The following KCNIP4 variants were observed in gnomAD, a reference collection of about 807,000 sequenced individuals.
KCNIP4 encodes the protein potassium voltage-gated channel interacting protein 4.
In KCNIP4, 12 loss-of-function variants were observed where a neutral mutation model predicts 34.0. The observed-to-expected ratio is 0.35, with a 90% CI of 0.23 to 0.57. The LOEUF (loss-of-function observed/expected upper bound fraction) is 0.57, where lower values mean the gene tolerates loss of function less well. Among genes scored for constraint, KCNIP4 ranks in the 20% least tolerant of loss-of-function variants. The probability of loss-of-function intolerance (pLI) is 0.83; values close to 1 mark genes in which losing one functional copy is unlikely to be tolerated. For missense variants in KCNIP4, 238 were observed against 311.7 expected (o/e 0.76, Z 1.78); for synonymous variants, 124 against 102.2 (o/e 1.21, Z -1.29).
intron 1 of KCNIP4, among the ~76,000 whole-genome samples, chr4:21,589,863 T>C (rs1482917481): frequency 1.3e-5 from 2 of 151,984 alleles, no homozygotes; most frequent in Non-Finnish European, 2.9e-5. Context: ...AGTTAATATT[T>C]GTTAAATAGT....
At chr4:20,852,922 T>C (rs1236987651) in intron 2 of KCNIP4, among the ~76,000 whole-genome samples, 2 of 151,464 alleles carry the variant, frequency 1.3e-5, no homozygotes, top group Admixed American at 6.6e-5. Flanking sequence ...AACAAAGGAG[T>C]CAAAAGACCT....
chr4:20,859,919 C>T (rs1267125809), intron 2 of KCNIP4, among the ~76,000 whole-genome samples: 2 of 152,228 alleles, frequency 1.3e-5, no homozygotes, highest in Admixed American at 1.3e-4. Flanking sequence ...ATTCAGAACT[C>T]AGGCCATGTG....
chr4:21,483,036 C>G (rs1174699994), intron 1 of KCNIP4, among the ~76,000 whole-genome samples: 1 of 131,226 alleles, frequency 7.6e-6, no homozygotes, highest in African/African-American at 2.9e-5. Context: ...AATGAGAACA[C>G]TTGGACACAG....
At chr4:21,659,247 G>A (rs553991803) in intron 1 of KCNIP4, among the ~76,000 whole-genome samples, 1 of 152,066 alleles carries the variant, frequency 6.6e-6, no homozygotes, top group African/African-American at 2.4e-5. Context: ...ATTAGATCTA[G>A]TGAAGTTAAA....
chr4:21,737,627 G>T (rs11725634), intron 1 of KCNIP4, among the ~76,000 whole-genome samples: 5 of 152,110 alleles, frequency 3.3e-5, no homozygotes, highest in Non-Finnish European at 5.9e-5. Flanking sequence ...GCAGAATGCA[G>T]GATTCTCTTT....
chr4:20,935,325 T>C (rs375275364), intron 1 of KCNIP4, among the ~76,000 whole-genome samples: 2 of 152,266 alleles, frequency 1.3e-5, no homozygotes, highest in African/African-American at 2.4e-5. Flanking sequence ...AAACTCAACA[T>C]GTCCAAAATT....
chr4:21,188,642 A>G (rs1441945996), intron 1 of KCNIP4, among the ~76,000 whole-genome samples: 1 of 152,144 alleles, frequency 6.6e-6, no homozygotes, highest in Non-Finnish European at 1.5e-5. Flanking sequence ...TTTAAAAAGT[A>G]CTCTTTGAGA....
intron 1 of KCNIP4, among the ~76,000 whole-genome samples, chr4:20,907,871 G>C (rs1215520876): frequency 6.6e-6 from 1 of 151,630 alleles, no homozygotes; most frequent in African/African-American, 2.4e-5. Flanking sequence ...GCGCCCGCAT[G>C]ATATCAAATT....
chr4:21,794,858 A>G (rs6448088), intron 1 of KCNIP4, among the ~76,000 whole-genome samples: 151,803 of 152,268 alleles, frequency 1, 75,670 homozygotes, highest in Middle Eastern at 1. Context: ...CAGCAGGGGC[A>G]ACAGAGGGAG....
intron 1 of KCNIP4, among the ~76,000 whole-genome samples, chr4:21,574,144 T>C (rs1490766589): frequency 1.3e-5 from 2 of 152,142 alleles, no homozygotes; most frequent in African/African-American, 4.8e-5. Context: ...AATTTTCTTG[T>C]TAATGAACAC....
chr4:20,761,923 A>G (rs191195356), intron 3 of KCNIP4, among the ~76,000 whole-genome samples: 1 of 152,284 alleles, frequency 6.6e-6, no homozygotes, highest in East Asian at 1.9e-4. Flanking sequence ...CACATACTGT[A>G]TGCCTATTAT....
At chr4:20,871,363 T>C (rs1188157158) in intron 2 of KCNIP4, among the ~76,000 whole-genome samples, 1 of 151,930 alleles carries the variant, frequency 6.6e-6, no homozygotes, top group African/African-American at 2.4e-5. Flanking sequence ...ACTATATAAG[T>C]AATATTAAGA....
chr4:21,174,982 T>G (rs2109306462), intron 1 of KCNIP4, among the ~76,000 whole-genome samples: 1 of 151,846 alleles, frequency 6.6e-6, no homozygotes, highest in African/African-American at 2.4e-5. Flanking sequence ...AATATGATTT[T>G]GTTACTTTTT....
intron 1 of KCNIP4, among the ~76,000 whole-genome samples, chr4:20,920,853 G>A (rs556008636): frequency 2.6e-5 from 4 of 152,248 alleles, no homozygotes; most frequent in African/African-American, 9.6e-5. Context: ...GCCAGGTGTG[G>A]TGGTGCATTC....
At chr4:20,935,115 T>A (rs1030962696) in intron 1 of KCNIP4, among the ~76,000 whole-genome samples, 8 of 152,200 alleles carry the variant, frequency 5.3e-5, no homozygotes, top group African/African-American at 1.9e-4. Flanking sequence ...AAATCCAATA[T>A]GACTTCATCT....
intron 3 of KCNIP4, among the ~76,000 whole-genome samples, chr4:20,822,472 G>T (rs1356256927): frequency 1.3e-5 from 2 of 152,206 alleles, no homozygotes; most frequent in African/African-American, 4.8e-5. Flanking sequence ...TACACAGCTG[G>T]TGGGAATGTA....
intron 1 of KCNIP4, among the ~76,000 whole-genome samples, chr4:20,974,012 T>G (rs1467969597): frequency 6.6e-6 from 1 of 152,146 alleles, no homozygotes; most frequent in Non-Finnish European, 1.5e-5. Flanking sequence ...AATTCCAAAA[T>G]GTGATACAAA....
At chr4:21,453,025 CATT>C in intron 1 of KCNIP4, among the ~76,000 whole-genome samples, 1 of 152,154 alleles carries the variant, frequency 6.6e-6, no homozygotes, top group East Asian at 1.9e-4. Context: ...ACCTTTTAGC[CATT>C]ATTACATTAT....
At chr4:21,013,261 T>G (rs1440581722) in intron 1 of KCNIP4, among the ~76,000 whole-genome samples, 1 of 152,028 alleles carries the variant, frequency 6.6e-6, no homozygotes, top group African/African-American at 2.4e-5. Flanking sequence ...TCTTCAGCCC[T>G]AGGAAAAATG....
Sources: allele counts gnomAD v4.1 joint callset (sites outside exome capture counted in the v4.1 genomes callset), GRCh38; gene constraint gnomAD v4.1.1; transcripts MANE v1.5; gene names NCBI Gene and HGNC (gene_info 2026-07-23, HGNC 2026-07-21).